Variants in TPH2 observed in about 807,000 individuals in gnomAD.
The protein encoded by TPH2 is tryptophan 5-hydroxylase 2.
A neutral mutation model predicts 59.1 loss-of-function variants in TPH2; 27 were observed. That is an observed-to-expected ratio of 0.46 (90% CI 0.34 to 0.63). The LOEUF is 0.63. Ranked by LOEUF, TPH2 falls within the 30% of genes least tolerant of loss-of-function variation. The pLI is 0.01. For synonymous variants in TPH2, 220 were observed against 210.5 expected (o/e 1.05, Z -0.39); for missense variants, 523 against 588.3 (o/e 0.89, Z 1.15).
chr12:72,026,286 A>G (rs920229959), intron 9 of TPH2, among the ~76,000 whole-genome samples: 1 of 152,060 alleles, frequency 6.6e-6, no homozygotes, highest in African/African-American at 2.4e-5. Context: ...TTGGGTTTTG[A>G]AAAAGCTGAT....
chr12:71,989,100 T>TAA (rs34334884), intron 7 of TPH2, among the ~76,000 whole-genome samples: 4 of 116,278 alleles, frequency 3.4e-5, no homozygotes, highest in African/African-American at 6.5e-5. Context: ...CTGGCTTTAT[T>TAA]AAAAAAAAAA....
At chr12:71,950,331 AAG>A (rs1425473264) in intron 5 of TPH2, among the ~76,000 whole-genome samples, 5 of 152,166 alleles carry the variant, frequency 3.3e-5, no homozygotes, top group South Asian at 2.1e-4. Flanking sequence ...TGAGTCCGAA[AAG>A]AGAGTCAGCG....
intron 8 of TPH2, among the ~76,000 whole-genome samples, chr12:72,008,959 G>A (rs1873027412): frequency 6.6e-6 from 1 of 152,152 alleles, no homozygotes; most frequent in South Asian, 2.1e-4. Context: ...ATGTGTGTGT[G>A]TGTGTATGCC....
Position 72,031,743 on chromosome 12 carries a change from G to A in TPH2, c.*48G>A. On this transcript the variant is annotated 3_prime_UTR_variant, in exon 11 of 11. Coordinates refer to ENST00000333850, the MANE Select transcript of TPH2 (RefSeq NM_173353.4). ...AGCATGATCTTTTTGGGGCTTAGCA[G>A]CAGTTCAGTCAATGTCATATAACGC... is the stretch of plus-strand genomic sequence containing the variant. 3.1e-6 allele frequency: 5 copies of A among 1,608,832 alleles called. No homozygotes were observed. Among genetic ancestry groups the A allele is most frequent in the Non-Finnish European group, 3.4e-6 (4 of 1,175,738 alleles).
Position 71,941,862 on chromosome 12 carries a change from T to G in TPH2, c.255+129T>G. The G allele has an allele frequency of 3.8e-6, 4 of 1,042,190 alleles. No homozygotes were observed. In the Admixed American group the frequency reaches 7.1e-5, roughly 18 times the overall value. The allele number at this position is 1,042,190 out of a possible 1,614,324, so 64.6% of individuals were successfully genotyped here. A position where few individuals can be genotyped will look rare whatever the true frequency, so the allele number is the denominator to read the frequency against. On this transcript the variant is annotated intron_variant, in intron 2 of 10. Transcript: ENST00000333850. ...GGTGAAAGATTCAAAGGAACCAAAC[T>G]TCGTGAGGCTTTAAAAGGGGAGTTG...
At chr12:71,951,655 G>A (rs558866928) in intron 5 of TPH2, among the ~76,000 whole-genome samples, 112 of 152,062 alleles carry the variant, frequency 7.4e-4, no homozygotes, top group Non-Finnish European at 1.4e-3. Flanking sequence ...GCCAGAAAAT[G>A]TATTTTATAT....
intron 7 of TPH2, among the ~76,000 whole-genome samples, chr12:71,985,940 C>T (rs1278343986): frequency 1.3e-5 from 2 of 152,194 alleles, no homozygotes; most frequent in Non-Finnish European, 2.9e-5. Context: ...CAGCACCTCT[C>T]TACAGTATTG....
chr12:71,956,453 T>C (rs1322854197), intron 5 of TPH2, among the ~76,000 whole-genome samples: 15 of 103,068 alleles, frequency 1.5e-4, no homozygotes, highest in Non-Finnish European at 2.0e-4. Flanking sequence ...CCTTCCTCCC[T>C]TTCTTCCTTC....
At position 72,019,382 on chromosome 12, in the gene TPH2, C is replaced by T. The variant is rs114048889; in HGVS notation, c.1069-3017C>T. Among the ~76,000 whole-genome samples the T allele has an allele frequency of 4.2e-3, 640 of 152,286 alleles. 5 individuals are homozygous for T. The highest frequency in any genetic ancestry group is 0.015 in the African/African-American group (603 of 41,560). ...AAAACCCTCCAGCAACTTCCCATTG[C>T]TCTTGGAAATAAAAATCTATTCCTG... On this transcript the variant is annotated intron_variant, in intron 8 of 10. Coordinates refer to ENST00000333850, the MANE Select transcript of TPH2 (RefSeq NM_173353.4).
chr12:71,939,314 A>T (rs1017536381), intron 1 of TPH2, among the ~76,000 whole-genome samples: 1 of 151,862 alleles, frequency 6.6e-6, no homozygotes, highest in African/African-American at 2.4e-5. Flanking sequence ...TTTTTTCCGC[A>T]AAGTTTGTAA....
In TPH2 at chr12:72,023,385, G is replaced by T. The variant is rs141807200; in HGVS notation, c.1164+891G>T. ...TTTTTGGCCATTTGCATTATTGAAA[G>T]ATGCAAAGTAATTGTAGTTTTATTG... is the stretch of plus-strand genomic sequence containing the variant. On this transcript the variant is annotated intron_variant, in intron 9 of 10. Coordinates refer to ENST00000333850, the MANE Select transcript of TPH2 (RefSeq NM_173353.4). 9.8e-4 allele frequency among the ~76,000 whole-genome samples: 149 copies of T among 152,312 alleles called. 4 individuals are homozygous for T. The East Asian group carries it at 0.015, about 15-fold the overall frequency.
intron 5 of TPH2, among the ~76,000 whole-genome samples, chr12:71,951,688 A>ATG (rs573782230): frequency 9.8e-5 from 14 of 143,158 alleles, no homozygotes; most frequent in Non-Finnish European, 1.5e-5. Flanking sequence ...TGTTTTATGT[A>ATG]TGTGTGTGTG....
chr12:71,961,756 G>A, intron 5 of TPH2: 1 of 1,326,790 alleles, frequency 7.5e-7, no homozygotes, highest in Non-Finnish European at 9.9e-7. Context: ...AGGACTTTCT[G>A]CAAGGTGAGA....
At chr12:71,977,209 G>T (rs566258944) in intron 6 of TPH2, among the ~76,000 whole-genome samples, 1 of 152,214 alleles carries the variant, frequency 6.6e-6, no homozygotes, top group South Asian at 2.1e-4. Flanking sequence ...GGTGCGTGCT[G>T]TCTATGCCAG....
chr12:71,975,795 A>G (rs1329178917), intron 6 of TPH2, among the ~76,000 whole-genome samples: 2 of 152,234 alleles, frequency 1.3e-5, no homozygotes, highest in Non-Finnish European at 2.9e-5. Context: ...ACCGATCAGT[A>G]TCACTTAATT....
chr12:72,009,323 G>A (rs930939427), intron 8 of TPH2, among the ~76,000 whole-genome samples: 1 of 152,138 alleles, frequency 6.6e-6, no homozygotes, highest in Non-Finnish European at 1.5e-5. Flanking sequence ...AAGCCAGAGA[G>A]TAAGTTGGCA....
chr12:72,007,404 C>G (rs1016972006), intron 8 of TPH2, among the ~76,000 whole-genome samples: 5 of 152,162 alleles, frequency 3.3e-5, no homozygotes, highest in Admixed American at 6.5e-5. Flanking sequence ...ATACATGCAG[C>G]CTTCCCTGAA....
In TPH2 at chr12:72,028,455, T is replaced by G. The variant is rs1873628761; in HGVS notation, c.1165-2803T>G. The stretch of plus-strand genomic sequence containing the variant: ...GCAATAGAAGTTGGAATCAAAGACA[T>G]GGATGCTATTTTATACCCCTTGGGA... On this transcript the variant is annotated intron_variant, in intron 9 of 10. Coordinates refer to ENST00000333850, the MANE Select transcript of TPH2 (RefSeq NM_173353.4). Among the ~76,000 whole-genome samples, 3 of 152,138 alleles carry G rather than the reference T, an allele frequency of 2.0e-5. No individual in the cohort carries two copies. The South Asian group carries it at 6.2e-4, about 31-fold the overall frequency.
chr12:71,944,329 G>A lies in TPH2; in HGVS notation c.291G>A (p.Arg97=), dbSNP rs766930844. 9.9e-6 allele frequency: 16 copies of A among 1,613,686 alleles called. No individual in the cohort carries two copies. Among genetic ancestry groups the A allele is most frequent in the Admixed American group, 3.3e-5 (2 of 59,964 alleles). ...KRVNMVHIES[R]KSRRRSSEVE... is the part of the protein sequence containing the mutation. ...TCAACATGGTTCATATTGAATCCAG[G>A]AAATCTCGGCGAAGAAGTTCTGAGG... Residue 97 remains arginine, a synonymous_variant, in exon 3 of 11, where the codon AGG becomes AGA. Transcript: ENST00000333850.
Sources: gnomAD v4.1 joint callset for allele counts (sites outside exome capture counted in the v4.1 genomes callset) on GRCh38, gnomAD v4.1.1 for gene constraint, MANE v1.5 for transcripts, NCBI Gene and HGNC (gene_info 2026-07-23, HGNC 2026-07-21) for gene names.